RBFOX1: variants seen among roughly 807,000 people sequenced by gnomAD.
RBFOX1 encodes the protein RNA binding fox-1 homolog 1.
In RBFOX1, 8 loss-of-function variants were observed where a neutral mutation model predicts 57.7. The ratio of observed to expected loss-of-function variants is 0.14; its 90% CI spans 0.08 to 0.25. The LOEUF is 0.25. Among genes scored for constraint, RBFOX1 ranks in the 10% least tolerant of loss-of-function variants. The pLI, the probability that RBFOX1 is intolerant of heterozygous loss-of-function variation, is 1.00. For synonymous variants in RBFOX1, 326 were observed against 222.4 expected (o/e 1.47, Z -4.15); for missense variants, 611 against 548.5 (o/e 1.11, Z -1.14).
At chr16:6,031,601 G>A (rs1001755527) in intron 1 of RBFOX1, among the ~76,000 whole-genome samples, 4 of 152,168 alleles carry the variant, frequency 2.6e-5, no homozygotes, top group Admixed American at 6.5e-5. Flanking sequence ...GTGTGCAAAC[G>A]TGCATTTTTG....
At chr16:5,491,022 A>G (rs1462368899) in intron 2 of RBFOX1, among the ~76,000 whole-genome samples, 1 of 152,122 alleles carries the variant, frequency 6.6e-6, no homozygotes, top group Admixed American at 6.5e-5. Context: ...AATCTCAGTC[A>G]TCTCCCCGAT....
At chr16:7,433,867 G>T (rs1326432096) in intron 4 of RBFOX1, among the ~76,000 whole-genome samples, 3 of 152,238 alleles carry the variant, frequency 2.0e-5, no homozygotes, top group African/African-American at 4.8e-5. Flanking sequence ...CCAAATGACA[G>T]GGAGAGAAAG....
At chr16:5,351,825 CAG>C (rs1184404615) in intron 1 of RBFOX1, among the ~76,000 whole-genome samples, 1 of 152,062 alleles carries the variant, frequency 6.6e-6, no homozygotes, top group Non-Finnish European at 1.5e-5. Flanking sequence ...ATTTTTGAGA[CAG>C]AGTTTCACTC....
chr16:7,262,807 T>G (rs547305005), intron 4 of RBFOX1, among the ~76,000 whole-genome samples: 2 of 152,394 alleles, frequency 1.3e-5, no homozygotes, highest in Admixed American at 1.3e-4. Flanking sequence ...ATTCTTTTTC[T>G]AAGTTAGTGC....
intron 3 of RBFOX1, among the ~76,000 whole-genome samples, chr16:6,955,992 C>T (rs1187562602): frequency 6.6e-6 from 1 of 152,154 alleles, no homozygotes; most frequent in African/African-American, 2.4e-5. Flanking sequence ...AGATGTGAGC[C>T]ACCAGACCCG....
chr16:6,332,835 G>T lies in RBFOX1; in HGVS notation c.-64+15778G>T, dbSNP rs810521. Among the ~76,000 whole-genome samples, 1,091 of 152,220 alleles carry T rather than the reference G, an allele frequency of 7.2e-3. 19 individuals are homozygous for T. Among genetic ancestry groups the T allele is most frequent in the African/African-American group, 0.025 (1,031 of 41,522 alleles). ...CTAGAAGGGTAGATGAAAGGTGTTG[G>T]AAAAATGTAGAGATGAATCCTTCAT... On this transcript the variant is annotated intron_variant, in intron 2 of 15. Transcript: ENST00000550418.
intron 2 of RBFOX1, among the ~76,000 whole-genome samples, chr16:6,626,354 G>A (rs2098306984): frequency 6.6e-6 from 1 of 152,130 alleles, no homozygotes; most frequent in Admixed American, 6.5e-5. Context: ...AGGAGTGGGT[G>A]TTGCAGGACC....
chr16:5,274,719 G>A (rs368320437), intron 1 of RBFOX1, among the ~76,000 whole-genome samples: 6 of 152,152 alleles, frequency 3.9e-5, no homozygotes, highest in Non-Finnish European at 7.3e-5. Context: ...GACTATGGCC[G>A]CAGGAGCCAC....
In RBFOX1 at chr16:5,947,227, A is replaced by G. The variant is rs1190325074; in HGVS notation, c.351+79892A>G. Among the ~76,000 whole-genome samples, 1 of 152,076 alleles carries G rather than the reference A, an allele frequency of 6.6e-6. No individual in the cohort carries two copies. The highest frequency in any genetic ancestry group is 1.9e-4 in the East Asian group (1 of 5,178). ...TGAGACTCTGTCTCTAAAACAAAAC[A>G]AACCAGAAGAAAGGCTACTAAGGCT... On this transcript the variant is annotated intron_variant, in intron 4 of 19. Coordinates refer to the RBFOX1 transcript ENST00000641259. This position sits in a 1 kb window ranked among gnomAD's most constrained non-coding sequence, Gnocchi z 7.2.
intron 2 of RBFOX1, among the ~76,000 whole-genome samples, chr16:6,395,393 T>C (rs552872244): frequency 2.6e-4 from 39 of 152,362 alleles, no homozygotes; most frequent in Non-Finnish European, 5.4e-4. Flanking sequence ...TTTAATAATA[T>C]AGTTATGGTC....
intron 4 of RBFOX1, among the ~76,000 whole-genome samples, chr16:7,408,803 A>T (rs1050473478): frequency 1.3e-5 from 2 of 152,104 alleles, no homozygotes; most frequent in African/African-American, 4.8e-5. Context: ...TGTTGTTACT[A>T]CCGAAAATGT....
chr16:6,599,212 T>G (rs937138912), intron 2 of RBFOX1, among the ~76,000 whole-genome samples: 4 of 151,840 alleles, frequency 2.6e-5, no homozygotes, highest in African/African-American at 7.3e-5. Context: ...GTGTTGCAAA[T>G]CATTATCCAG....
chr16:5,353,726 G>GAAAA (rs386384109), intron 1 of RBFOX1, among the ~76,000 whole-genome samples: 8 of 28,094 alleles, frequency 2.8e-4, no homozygotes, highest in East Asian at 0.01. Flanking sequence ...TCCCATTGAG[G>GAAAA]AAAAAAAAAA....
rs528555678 is a variant in RBFOX1 at position 6,623,130 on chromosome 16, G to C, written c.-63-31473G>C. On this transcript the variant is annotated intron_variant, in intron 2 of 15. Transcript: ENST00000550418. ...GAAACGGGAAACATATGGGTGGACT[G>C]GCACAGGCTCTGCATACCCCATTCC... Among the ~76,000 whole-genome samples the C allele has an allele frequency of 6.6e-5, 10 of 152,254 alleles. No individual in the cohort carries two copies. The East Asian group carries it at 1.9e-3, about 29-fold the overall frequency.
chr16:7,486,752 C>T (rs1311605493), intron 4 of RBFOX1, among the ~76,000 whole-genome samples: 2 of 152,106 alleles, frequency 1.3e-5, no homozygotes, highest in Admixed American at 1.3e-4. Flanking sequence ...GGGGAATAGA[C>T]AGAGATCCAG....
chr16:5,801,316 T>A (rs868011286), intron 3 of RBFOX1, among the ~76,000 whole-genome samples: 1 of 61,238 alleles, frequency 1.6e-5, no homozygotes, highest in Non-Finnish European at 4.6e-5. Context: ...AAAGTCTCTA[T>A]CTGCCTCTCT....
chr16:5,392,109 A>T (rs1438976582), intron 1 of RBFOX1, among the ~76,000 whole-genome samples: 1 of 151,994 alleles, frequency 6.6e-6, no homozygotes, highest in Non-Finnish European at 1.5e-5. Context: ...AGAATGATAC[A>T]ATGGACTTTG....
intron 4 of RBFOX1, among the ~76,000 whole-genome samples, chr16:7,485,636 T>A: frequency 6.6e-6 from 1 of 152,208 alleles, no homozygotes; most frequent in Admixed American, 6.5e-5. Context: ...AGGTTTTAAA[T>A]AGAAGATTGT....
chr16:7,014,935 A>G (rs1334358050), intron 3 of RBFOX1, among the ~76,000 whole-genome samples: 2 of 152,144 alleles, frequency 1.3e-5, no homozygotes, highest in African/African-American at 4.8e-5. Flanking sequence ...CATATTGGCC[A>G]GGCTGGTCTC....
Sources: allele counts gnomAD v4.1 joint callset (sites outside exome capture counted in the v4.1 genomes callset), GRCh38; gene constraint gnomAD v4.1.1; non-coding constraint Gnocchi (gnomAD v3.1); transcripts MANE v1.5; gene names NCBI Gene and HGNC (gene_info 2026-07-23, HGNC 2026-07-21).